Variants in PHF24 observed in about 807,000 individuals in gnomAD.
PHF24 encodes Galpha inhibitory interacting protein.
PHF24 carries 25 observed loss-of-function variants against 42.6 expected under a neutral mutation model. The observed-to-expected ratio is 0.59, with a 90% CI of 0.43 to 0.82. The LOEUF (loss-of-function observed/expected upper bound fraction) is 0.82, where lower values mean the gene tolerates loss of function less well. PHF24 is among the 40% of genes least tolerant of loss of function. PHF24 has a pLI of 0.00. For missense variants in PHF24, 470 were observed against 538.1 expected (o/e 0.87, Z 1.25); for synonymous variants, 185 against 204.8 (o/e 0.90, Z 0.83).
the PHF24 span, among the ~76,000 whole-genome samples, chr9:34,705,246 CT>C: frequency 6.6e-6 from 1 of 151,706 alleles, no homozygotes; most frequent in Non-Finnish European, 1.5e-5. Context: ...CAGCAGTAGG[CT>C]TTTGGAAAGT....
At chr9:34,799,272 A>T in the PHF24 span, among the ~76,000 whole-genome samples, 2 of 152,174 alleles carry the variant, frequency 1.3e-5, no homozygotes, top group African/African-American at 4.8e-5. Flanking sequence ...CTGTATTTAA[A>T]TCCTAGCGCT....
At chr9:34,935,593 G>A in the PHF24 span, among the ~76,000 whole-genome samples, 46 of 122,586 alleles carry the variant, frequency 3.8e-4, no homozygotes, top group East Asian at 1.8e-3. Context: ...GACTTCATCT[G>A]AAAAAAAAAA....
exon 4 of PHF24, chr9:34,976,218 A>G (rs1827178751): frequency 1.9e-6 from 3 of 1,613,762 alleles, no homozygotes; most frequent in African/African-American, 2.7e-5. Flanking sequence ...TCAGCGGTGT[A>G]AAGTCATCCC....
At chr9:34,717,890 C>T in the PHF24 span, among the ~76,000 whole-genome samples, 32 of 152,276 alleles carry the variant, frequency 2.1e-4, 1 homozygote, top group South Asian at 6.0e-3. Flanking sequence ...TCTTCCTTGA[C>T]GTGTTTGTCC....
chr9:34,852,755 T>G, the PHF24 span, among the ~76,000 whole-genome samples: 1 of 152,190 alleles, frequency 6.6e-6, no homozygotes, highest in Non-Finnish European at 1.5e-5. Context: ...TGTATGTACT[T>G]GTTTAGATTG....
chr9:34,709,726 G>T, the PHF24 span: 1 of 1,613,478 alleles, frequency 6.2e-7, no homozygotes, highest in Non-Finnish European at 8.5e-7. Flanking sequence ...TGCCCACCAT[G>T]CCCTCCCCAC....
upstream of PHF24, among the ~76,000 whole-genome samples, chr9:34,955,384 GGTACAGGCTA>G (rs1419375384): frequency 7.0e-6 from 1 of 142,372 alleles, no homozygotes; most frequent in Non-Finnish European, 1.5e-5. Context: ...AAGAGTGGTT[GGTACAGGCTA>G]GGGCCAGCCG....
At chr9:34,939,405 G>T in the PHF24 span, among the ~76,000 whole-genome samples, 1 of 152,346 alleles carries the variant, frequency 6.6e-6, no homozygotes, top group South Asian at 2.1e-4. Flanking sequence ...CCTGCAAAAG[G>T]TAATTGGGAG....
chr9:34,761,520 TA>T, the PHF24 span, among the ~76,000 whole-genome samples: 1 of 152,142 alleles, frequency 6.6e-6, no homozygotes, highest in East Asian at 1.9e-4. Context: ...AAAGATGAAG[TA>T]CCTTCTCAAA....
chr9:34,791,326 A>C, the PHF24 span, among the ~76,000 whole-genome samples: 1 of 152,330 alleles, frequency 6.6e-6, no homozygotes, highest in South Asian at 2.1e-4. Flanking sequence ...TTTTGGCCTG[A>C]GTAACTGGGT....
At chr9:34,809,819 ACTG>A in the PHF24 span, among the ~76,000 whole-genome samples, 2 of 152,070 alleles carry the variant, frequency 1.3e-5, no homozygotes, top group African/African-American at 4.8e-5. The surrounding 1 kb of genome is among the most constrained non-coding windows in gnomAD (Gnocchi z 4.1). Context: ...GAGGGCGCCA[ACTG>A]GCACCTGGGC....
At chr9:34,944,107 C>T in the PHF24 span, among the ~76,000 whole-genome samples, 1 of 152,200 alleles carries the variant, frequency 6.6e-6, no homozygotes, top group Non-Finnish European at 1.5e-5. Context: ...CTACTTCACT[C>T]AACATTGGCC....
the PHF24 span, chr9:34,666,255 G>A: frequency 3.8e-5 from 6 of 158,144 alleles, no homozygotes; most frequent in Admixed American, 1.8e-4. Flanking sequence ...CACCTTGGGG[G>A]GCCGAGGCTT....
At chr9:34,702,181 T>C in the PHF24 span, among the ~76,000 whole-genome samples, 1 of 152,166 alleles carries the variant, frequency 6.6e-6, no homozygotes, top group Admixed American at 6.5e-5. Flanking sequence ...ATGAGACACA[T>C]GTGAGAACAA....
chr9:34,874,192 TCTC>T, the PHF24 span, among the ~76,000 whole-genome samples: 1 of 152,270 alleles, frequency 6.6e-6, no homozygotes, highest in Non-Finnish European at 1.5e-5. Context: ...TTTATTTCCT[TCTC>T]CTGCCTAATT....
At chr9:34,827,278 C>A in the PHF24 span, among the ~76,000 whole-genome samples, 7 of 152,180 alleles carry the variant, frequency 4.6e-5, no homozygotes, top group African/African-American at 1.7e-4. Context: ...CCCACTCCCA[C>A]CAGGCAGGGA....
chr9:34,810,822 A>G, the PHF24 span, among the ~76,000 whole-genome samples: 48,393 of 152,006 alleles, frequency 0.32, 8,274 homozygotes, highest in East Asian at 0.56. Flanking sequence ...CAGTTGCTCC[A>G]GGCTGCATTT....
the PHF24 span, among the ~76,000 whole-genome samples, chr9:34,705,292 G>A: frequency 3.3e-5 from 5 of 151,952 alleles, no homozygotes; most frequent in Non-Finnish European, 1.5e-5. Context: ...GGCTCTTGGG[G>A]GTTTATGCCT....
At chr9:34,725,014 C>T in the PHF24 span, 11 of 1,551,890 alleles carry the variant, frequency 7.1e-6, no homozygotes, top group East Asian at 7.3e-5. Context: ...GATCAAGGGC[C>T]GTTGGCATCC....
Sources: allele counts gnomAD v4.1 joint callset (sites outside exome capture counted in the v4.1 genomes callset), GRCh38; gene constraint gnomAD v4.1.1; non-coding constraint Gnocchi (gnomAD v3.1); transcripts MANE v1.5; gene names NCBI Gene and HGNC (gene_info 2026-07-23, HGNC 2026-07-21).